Variants in GLIS3 observed in about 807,000 individuals in gnomAD.
The protein encoded by GLIS3 is GLIS family zinc finger 3.
GLIS3 carries 53 observed loss-of-function variants against 78.6 expected under a neutral mutation model. That is an observed-to-expected ratio of 0.67 (90% CI 0.54 to 0.85). GLIS3 has a LOEUF of 0.85. Among genes scored for constraint, GLIS3 ranks in the 40% least tolerant of loss-of-function variants. The pLI is 0.00. For missense variants in GLIS3, 1,703 were observed against 1,231.1 expected (o/e 1.38, Z -5.74); for synonymous variants, 684 against 509.9 (o/e 1.34, Z -4.60).
chr9:4,049,023 C>T (rs1246717878), intron 4 of GLIS3, among the ~76,000 whole-genome samples: 1 of 152,142 alleles, frequency 6.6e-6, no homozygotes, highest in Non-Finnish European at 1.5e-5. Context: ...CATGGACATA[C>T]AGAGAGGGCT....
the GLIS3 span, among the ~76,000 whole-genome samples, chr9:4,472,594 CG>C: frequency 1.2e-5 from 1 of 83,814 alleles, no homozygotes. Flanking sequence ...ACATCATACA[CG>C]GGGGCCTGTC....
the GLIS3 span, among the ~76,000 whole-genome samples, chr9:4,475,984 A>G: frequency 0.011 from 1,698 of 152,188 alleles, 22 homozygotes; most frequent in African/African-American, 0.039. Context: ...CCCGGGCTCA[A>G]GTGATACTCT....
chr9:4,049,768 C>G (rs1029491039), intron 4 of GLIS3, among the ~76,000 whole-genome samples: 3 of 152,030 alleles, frequency 2.0e-5, no homozygotes, highest in Non-Finnish European at 4.4e-5. Flanking sequence ...ACAAACAACC[C>G]CATCAAAAAG....
chr9:4,185,784 C>T (rs1363596777), intron 2 of GLIS3, among the ~76,000 whole-genome samples: 1 of 152,132 alleles, frequency 6.6e-6, no homozygotes, highest in African/African-American at 2.4e-5. Context: ...ATGAATCGCC[C>T]TCCCTCACTC....
intron 6 of GLIS3, among the ~76,000 whole-genome samples, chr9:3,900,258 G>A (rs1563828841): frequency 6.6e-6 from 1 of 150,838 alleles, no homozygotes; most frequent in Non-Finnish European, 1.5e-5. Flanking sequence ...GCAAAGAAGT[G>A]CAATGTTAAA....
At chr9:4,255,807 C>G (rs940871490) in intron 2 of GLIS3, among the ~76,000 whole-genome samples, 2 of 151,850 alleles carry the variant, frequency 1.3e-5, no homozygotes, top group African/African-American at 2.4e-5. Flanking sequence ...TATAAATTTG[C>G]CCAAACTCAT....
chr9:4,190,509 C>A lies in GLIS3; in HGVS notation c.389-64568G>T, dbSNP rs529414048. On this transcript the variant is annotated intron_variant, in intron 2 of 10. Transcript: ENST00000381971. ...AAAGAATAAAAACAAACGAACAAAA[C>A]CTCCAAGAAATATGGGACTATGTGA... is the stretch of plus-strand genomic sequence containing the variant. Among the ~76,000 whole-genome samples, 4 of 119,514 alleles carry A rather than the reference C, an allele frequency of 3.3e-5. No homozygotes were observed. The Admixed American group carries it at 3.8e-4, about 11-fold the overall frequency. The allele number at this position is 119,514 out of a possible 152,430, so 78.4% of individuals were successfully genotyped here. A position where few individuals can be genotyped will look rare whatever the true frequency, so the allele number is the denominator to read the frequency against.
chr9:4,163,268 ACGCGCACG>A (rs1325710839), intron 2 of GLIS3, among the ~76,000 whole-genome samples: 1 of 151,214 alleles, frequency 6.6e-6, no homozygotes, highest in Non-Finnish European at 1.5e-5. Flanking sequence ...ACACACACAC[ACGCGCACG>A]CGCGCACACA....
intron 9 of GLIS3, among the ~76,000 whole-genome samples, chr9:3,850,499 G>C (rs1028754982): frequency 1.3e-5 from 2 of 152,202 alleles, no homozygotes; most frequent in African/African-American, 4.8e-5. Context: ...CTATTAACCA[G>C]TTGCACCTGA....
chr9:4,059,829 T>TGTGAGAGA, intron 4 of GLIS3, among the ~76,000 whole-genome samples: 41 of 100,710 alleles, frequency 4.1e-4, no homozygotes, highest in African/African-American at 1.2e-3. Context: ...TGTGTGTGTG[T>TGTGAGAGA]GAGAGAGAGA....
intron 3 of GLIS3, among the ~76,000 whole-genome samples, chr9:4,120,113 A>G (rs1832063894): frequency 6.6e-6 from 1 of 152,238 alleles, no homozygotes; most frequent in Admixed American, 6.5e-5. Flanking sequence ...TCTCAAAATG[A>G]ACACATTGTT....
chr9:4,002,750 T>C (rs1219070977), intron 4 of GLIS3, among the ~76,000 whole-genome samples: 1 of 152,170 alleles, frequency 6.6e-6, no homozygotes, highest in Non-Finnish European at 1.5e-5. Context: ...GAGGCATACA[T>C]GGATGTCTGC....
rs745497957 is a variant in GLIS3, at chr9:3,824,920, C to CAA, written c.*3350_*3351dup. ...TTTTTTTTTTTTGCTTCATCTGTTG[C>CAA]AAAAAAAAAAAAAAATAATAACCGC... On this transcript the variant is annotated 3_prime_UTR_variant, in exon 11 of 11. Transcript: ENST00000381971. 2.3e-5 allele frequency: 1 copy of CAA among 43,334 alleles called. No homozygotes were observed. The highest frequency in any genetic ancestry group is 8.1e-5 in the African/African-American group (1 of 12,390). 2.7% of individuals were successfully genotyped at this position (43,334 alleles called of 1,614,324 possible).
the GLIS3 span, among the ~76,000 whole-genome samples, chr9:4,415,630 C>G: frequency 4.6e-5 from 7 of 152,154 alleles, no homozygotes; most frequent in Admixed American, 4.6e-4. Flanking sequence ...ATTTTGTAAT[C>G]TTTCTGCTAA....
intron 4 of GLIS3, among the ~76,000 whole-genome samples, chr9:4,097,420 G>A (rs1215150953): frequency 1.3e-5 from 2 of 151,968 alleles, no homozygotes; most frequent in East Asian, 3.9e-4. Flanking sequence ...GGGCAAGAAG[G>A]GGTGGGCTCA....
chr9:3,902,641 G>C (rs1345203136), intron 6 of GLIS3, among the ~76,000 whole-genome samples: 1 of 152,160 alleles, frequency 6.6e-6, no homozygotes, highest in East Asian at 1.9e-4. Context: ...CCACCCCAGA[G>C]CTGCTCATTC....
intron 2 of GLIS3, among the ~76,000 whole-genome samples, chr9:4,180,887 T>C (rs10814859): frequency 0.28 from 41,805 of 152,000 alleles, 6,950 homozygotes; most frequent in South Asian, 0.53. Flanking sequence ...GTCCCAAGTA[T>C]AGGTCCCACC....
At chr9:3,914,649 A>G (rs192957826) in intron 6 of GLIS3, among the ~76,000 whole-genome samples, 11 of 152,272 alleles carry the variant, frequency 7.2e-5, no homozygotes, top group Non-Finnish European at 1.3e-4. Context: ...AACAAATCCA[A>G]TTTTCCACCT....
At chr9:4,378,664 C>G in the GLIS3 span, among the ~76,000 whole-genome samples, 1 of 152,212 alleles carries the variant, frequency 6.6e-6, no homozygotes, top group African/African-American at 2.4e-5. Context: ...AAATCACCCA[C>G]TATTCCTAAT....
Sources: gnomAD v4.1 joint callset for allele counts (sites outside exome capture counted in the v4.1 genomes callset) on GRCh38, gnomAD v4.1.1 for gene constraint, MANE v1.5 for transcripts, NCBI Gene and HGNC (gene_info 2026-07-23, HGNC 2026-07-21) for gene names.